Variants in CRYBG1 observed in about 807,000 individuals in gnomAD.
CRYBG1 encodes the protein crystallin beta-gamma domain containing 1.
CRYBG1 carries 139 observed loss-of-function variants against 189.2 expected under a neutral mutation model. The ratio of observed to expected loss-of-function variants is 0.73; its 90% confidence interval spans 0.64 to 0.85. The LOEUF is 0.85. Ranked by LOEUF, CRYBG1 falls within the 40% of genes least tolerant of loss-of-function variation. CRYBG1 has a pLI of 0.00. For missense variants in CRYBG1, 2,611 were observed against 2,675.8 expected, an observed-to-expected ratio of 0.98 and a Z score of 0.53; for synonymous variants, 1,023 against 1,017.1, an observed-to-expected ratio of 1.01 and a Z score of -0.11.
intron 1 of CRYBG1, among the ~76,000 whole-genome samples, chr6:106,392,653 T>C (rs1770530458): frequency 6.6e-6 from 1 of 152,160 alleles, no homozygotes; most frequent in Non-Finnish European, 1.5e-5. Flanking sequence ...TAATATAAAA[T>C]AGCAAGAAGG....
Position 106,553,501 on chromosome 6 carries a change from T to TTGA in CRYBG1, c.5520_5522dup (p.Phe1840_Glu1841insAsp), listed in dbSNP as rs763218690. On this transcript the variant is annotated inframe_insertion, in exon 16 of 22. Coordinates refer to ENST00000633556, the MANE Select transcript of CRYBG1 (RefSeq NM_001371242.2). ...CAGTTTCAAGGTCACAGTCAAAGTTTTGAAGAAACAACAAGTCAAATTGAT... is the reference window on the plus strand; with the variant it reads ...CAGTTTCAAGGTCACAGTCAAAGTTTTGATGAAGAAACAACAAGTCAAATTGAT... 3.1e-6 allele frequency: 5 copies of TTGA among 1,613,972 alleles called. No homozygotes were observed. The African/African-American group carries it at 6.7e-5, about 22-fold the overall frequency.
chr6:106,422,905 A>G (rs1771156334), intron 1 of CRYBG1, among the ~76,000 whole-genome samples: 1 of 152,180 alleles, frequency 6.6e-6, no homozygotes, highest in Non-Finnish European at 1.5e-5. Context: ...CACCCTTTTT[A>G]GGAGCTTCAT....
At chr6:106,463,231 G>T (rs1772049070) in intron 2 of CRYBG1, among the ~76,000 whole-genome samples, 1 of 150,638 alleles carries the variant, frequency 6.6e-6, no homozygotes, top group African/African-American at 2.4e-5. Flanking sequence ...TAAACCTGAG[G>T]CAGGAAAGAA....
intron 18 of CRYBG1, among the ~76,000 whole-genome samples, chr6:106,559,375 T>C (rs1774644109): frequency 6.6e-6 from 1 of 152,230 alleles, no homozygotes; most frequent in South Asian, 2.1e-4. Context: ...AATGAATGAG[T>C]ACCATCAATG....
In CRYBG1 at chr6:106,568,330, C is replaced by T. The variant is rs894880456; in HGVS notation, c.6302-142C>T. The T allele has an allele frequency of 2.3e-5, 15 of 644,684 alleles. No individual in the cohort carries two copies. In the African/African-American group the frequency reaches 2.7e-4, roughly 12 times the overall value. The allele number at this position is 644,684 out of a possible 1,614,324, so 39.9% of individuals were successfully genotyped here. A position where few individuals can be genotyped will look rare whatever the true frequency, so the allele number is the denominator to read the frequency against. On this transcript the variant is annotated intron_variant, in intron 21 of 21. Transcript: ENST00000633556. ...ATCCCACAGGGGCCCAGGCTTCCCT[C>T]CCTGCCTTGCCTCCTTGAGGCATGC...
intron 17 of CRYBG1, among the ~76,000 whole-genome samples, chr6:106,556,219 C>T (rs998375251): frequency 6.6e-6 from 1 of 152,180 alleles, no homozygotes; most frequent in Non-Finnish European, 1.5e-5. Flanking sequence ...CAGATCCCAC[C>T]ACTTGAGACT....
chr6:106,372,399 G>C (rs1189642722), intron 1 of CRYBG1, among the ~76,000 whole-genome samples: 1 of 152,128 alleles, frequency 6.6e-6, no homozygotes, highest in Non-Finnish European at 1.5e-5. Context: ...CTACAGGTAC[G>C]TGCCATCACA....
intron 1 of CRYBG1, among the ~76,000 whole-genome samples, chr6:106,424,600 T>A (rs1375049625): frequency 3.3e-5 from 5 of 152,186 alleles, no homozygotes; most frequent in Non-Finnish European, 5.9e-5. Context: ...TAGCTGAGAT[T>A]ACAGGCACCC....
intron 2 of CRYBG1, chr6:106,457,135 A>G (rs779711301): frequency 6.6e-6 from 1 of 152,226 alleles, no homozygotes; most frequent in Non-Finnish European, 1.5e-5. Flanking sequence ...TTTATAAGAA[A>G]AAGGAATTCA....
intron 2 of CRYBG1, among the ~76,000 whole-genome samples, chr6:106,478,607 C>T (rs1416910261): frequency 6.6e-6 from 1 of 152,182 alleles, no homozygotes; most frequent in East Asian, 1.9e-4. Context: ...ACTTTGAAAA[C>T]CAACCACAGA....
intron 7 of CRYBG1, among the ~76,000 whole-genome samples, chr6:106,527,710 C>T (rs1773774705): frequency 6.6e-6 from 1 of 152,090 alleles, no homozygotes; most frequent in African/African-American, 2.4e-5. Flanking sequence ...CTTCTATTCC[C>T]ATCTTCCAAA....
chr6:106,375,119 A>T lies in CRYBG1; in HGVS notation c.173+14038A>T, dbSNP rs147733071. Among the ~76,000 whole-genome samples the T allele has an allele frequency of 1.8e-4, 28 of 151,552 alleles. No individual in the cohort carries two copies. The East Asian group carries it at 5.4e-3, about 29-fold the overall frequency. Reference sequence around the variant, plus strand: ...GCACTGTGGCCAGGCGTGGTGGCTTATGCCTATAATCGCAACACCTTGGGG... The same window carrying T: ...GCACTGTGGCCAGGCGTGGTGGCTTTTGCCTATAATCGCAACACCTTGGGG... On this transcript the variant is annotated intron_variant, in intron 1 of 21. Transcript: ENST00000633556.
Position 106,512,265 on chromosome 6 carries a change from G to C in CRYBG1, c.1148G>C (p.Ser383Thr). ...GTGCTAACTTTGGACATCTACTTGA[G>C]TAAGACTGAGGGGGCACAAGTGGAC... ...AKVLTLDIYL[S>T]KTEGAQVDEP... Residue 383 changes from serine (S) to threonine (T), a missense_variant, in exon 3 of 22, where the codon AGT becomes ACT. Ser to Thr is a moderately conservative substitution (Grantham distance 58). Around this residue, in one of 3 missense-constraint regions of CRYBG1, gnomAD observed 985 missense variants for 924.4 expected, o/e 1.07. Transcript: ENST00000633556. 1 of 1,560,520 alleles carries C rather than the reference G, an allele frequency of 6.4e-7. No homozygotes were observed. Among genetic ancestry groups the C allele is most frequent in the Non-Finnish European group, 8.6e-7 (1 of 1,156,594 alleles).
chr6:106,507,435 C>G (rs1773156483), intron 2 of CRYBG1, among the ~76,000 whole-genome samples: 1 of 152,210 alleles, frequency 6.6e-6, no homozygotes, highest in African/African-American at 2.4e-5. Flanking sequence ...GAACACCCAG[C>G]CTGGGAACCC....
At chr6:106,515,321 G>A (rs1773393064) in intron 3 of CRYBG1, among the ~76,000 whole-genome samples, 1 of 152,168 alleles carries the variant, frequency 6.6e-6, no homozygotes, top group African/African-American at 2.4e-5. Flanking sequence ...GTTAATTGTA[G>A]TAACTCTTGG....
intron 1 of CRYBG1, among the ~76,000 whole-genome samples, chr6:106,434,225 C>T (rs1771410613): frequency 6.6e-6 from 1 of 152,038 alleles, no homozygotes; most frequent in East Asian, 1.9e-4. Flanking sequence ...GAGGGACACA[C>T]TGTTATTACC....
Position 106,520,071 on chromosome 6 carries a change from G to A in CRYBG1, c.2863G>A (p.Val955Ile), listed in dbSNP as rs181129946. Residue 955 changes from valine to isoleucine, a missense_variant, in exon 4 of 22, where the codon GTC (valine) becomes ATC (isoleucine). By Grantham distance (29) the Val-to-Ile change is conservative (BLOSUM62 3). This residue lies in a region of CRYBG1 where 1,622 missense variants were observed against 1,735.0 expected (regional missense o/e 0.93). Coordinates refer to ENST00000633556, the MANE Select transcript of CRYBG1 (RefSeq NM_001371242.2). ...VGSECPSRVL[V>I]QVRSFVLPVE... ...AAGTGAGTGTCCATCCAGAGTCCTC[G>A]TCCAGGTCAGGTCCTTCGTGCTCCC... The A allele has an allele frequency of 5.3e-5, 85 of 1,614,140 alleles. No homozygotes were observed. Among genetic ancestry groups the A allele is most frequent in the East Asian group, 6.7e-5 (3 of 44,888 alleles).
intron 1 of CRYBG1, among the ~76,000 whole-genome samples, chr6:106,446,394 G>A (rs1771664889): frequency 6.6e-6 from 1 of 152,154 alleles, no homozygotes; most frequent in South Asian, 2.1e-4. Flanking sequence ...CAATGCAGGT[G>A]GAAGCACTTT....
intron 2 of CRYBG1, among the ~76,000 whole-genome samples, chr6:106,480,084 G>T (rs1772411441): frequency 6.6e-6 from 1 of 152,112 alleles, no homozygotes; most frequent in East Asian, 1.9e-4. Context: ...GTTATTTTTT[G>T]TATGTGGGGT....
Sources: allele counts gnomAD v4.1 joint callset (sites outside exome capture counted in the v4.1 genomes callset), GRCh38; gene constraint gnomAD v4.1.1; regional missense constraint gnomAD v4.1.1; transcripts MANE v1.5; gene names NCBI Gene and HGNC (gene_info 2026-07-23, HGNC 2026-07-21).